The following KIAA0825 variants were observed in gnomAD, a reference collection of about 807,000 sequenced individuals.
KIAA0825 encodes KIAA0825.
In KIAA0825, 119 loss-of-function variants were observed where a neutral mutation model predicts 147.6. The ratio of observed to expected loss-of-function variants is 0.81; its 90% CI spans 0.69 to 0.94. The LOEUF is 0.94. Ranked by LOEUF, KIAA0825 falls within the 40% of genes least tolerant of loss-of-function variation. KIAA0825 has a pLI of 0.00. For synonymous variants in KIAA0825, 470 were observed against 518.1 expected, an observed-to-expected ratio of 0.91 and a Z score of 1.26; for missense variants, 1,381 against 1,472.7, an observed-to-expected ratio of 0.94 and a Z score of 1.02.
chr5:94,581,725 A>T (rs1782221463), intron 2 of KIAA0825, among the ~76,000 whole-genome samples: 1 of 152,188 alleles, frequency 6.6e-6, no homozygotes, highest in African/African-American at 2.4e-5. Context: ...GATACTCTAA[A>T]GCTTTGAAGA....
chr5:94,237,748 T>G (rs1401100325), intron 20 of KIAA0825, among the ~76,000 whole-genome samples: 1 of 152,196 alleles, frequency 6.6e-6, no homozygotes, highest in Non-Finnish European at 1.5e-5. Flanking sequence ...CAACAAGTAG[T>G]ATTATAATTG....
intron 2 of KIAA0825, among the ~76,000 whole-genome samples, chr5:94,546,983 C>T (rs1352609794): frequency 6.6e-6 from 1 of 151,562 alleles, no homozygotes; most frequent in African/African-American, 2.4e-5. Flanking sequence ...AGAAGGAATT[C>T]AGAATTTTAT....
At chr5:94,248,228 A>G (rs1025282517) in intron 20 of KIAA0825, among the ~76,000 whole-genome samples, 21 of 152,148 alleles carry the variant, frequency 1.4e-4, no homozygotes, top group African/African-American at 4.8e-4. Context: ...TACATTAAGA[A>G]GCAAACAACA....
chr5:94,575,379 G>T (rs574215666), intron 2 of KIAA0825, among the ~76,000 whole-genome samples: 103 of 151,706 alleles, frequency 6.8e-4, no homozygotes, highest in African/African-American at 2.3e-3. Flanking sequence ...AAAAAAGATA[G>T]ATCTGAAATG....
intron 12 of KIAA0825, among the ~76,000 whole-genome samples, chr5:94,454,131 T>C (rs941165961): frequency 3.9e-5 from 6 of 152,204 alleles, no homozygotes; most frequent in African/African-American, 1.4e-4. Context: ...AAAGGATTTG[T>C]TACATAAAAT....
At chr5:94,528,541 C>T (rs1311920860) in intron 3 of KIAA0825, among the ~76,000 whole-genome samples, 1 of 152,062 alleles carries the variant, frequency 6.6e-6, no homozygotes, top group Non-Finnish European at 1.5e-5. Context: ...CAGTGGGTGC[C>T]GGGTAGTACT....
At position 94,440,052 on chromosome 5, in the gene KIAA0825, G is replaced by T. The variant is rs749015521; in HGVS notation, c.2427C>A (p.Asn809Lys). ...GTAGGGTTTCCAGAAGCAAGTTCCAGTTACAACGTGGCTGGGATAAGAGCA... is the reference window on the plus strand; with the variant it reads ...GTAGGGTTTCCAGAAGCAAGTTCCATTTACAACGTGGCTGGGATAAGAGCA... The part of the protein sequence containing the change: ...LKLLLSQPRC[N>K]WNLLLETLLH... The change falls in exon 14 of 21, where the codon AAC becomes AAA. Residue 809 changes from asparagine (N) to lysine (K), a missense_variant. Coordinates refer to ENST00000682413, the MANE Select transcript of KIAA0825 (RefSeq NM_001145678.3). 1.7e-5 allele frequency: 27 copies of T among 1,551,572 alleles called. No homozygotes were observed. In the South Asian group the frequency reaches 3.2e-4, roughly 18 times the overall value.
intron 5 of KIAA0825, among the ~76,000 whole-genome samples, chr5:94,517,741 A>G (rs1167594615): frequency 1.3e-5 from 2 of 151,324 alleles, no homozygotes; most frequent in Non-Finnish European, 2.9e-5. Context: ...TTTATTTTAA[A>G]TTATTTAAAT....
At chr5:94,359,809 T>C (rs1409384626) in intron 20 of KIAA0825, among the ~76,000 whole-genome samples, 1 of 152,212 alleles carries the variant, frequency 6.6e-6, no homozygotes, top group African/African-American at 2.4e-5. Flanking sequence ...CAGAATGCAG[T>C]TCTTAAATAT....
intron 20 of KIAA0825, among the ~76,000 whole-genome samples, chr5:94,298,113 G>A (rs1007259203): frequency 3.3e-5 from 5 of 151,726 alleles, no homozygotes; most frequent in Non-Finnish European, 7.4e-5. Context: ...CAGGTGTGGT[G>A]GTGGGCACCT....
intron 3 of KIAA0825, among the ~76,000 whole-genome samples, chr5:94,527,239 T>C (rs1033082797): frequency 6.6e-6 from 1 of 152,056 alleles, no homozygotes; most frequent in African/African-American, 2.4e-5. Flanking sequence ...ACAGACTGCA[T>C]TAAATAACAA....
At chr5:94,529,506 C>A (rs1310577732) in intron 3 of KIAA0825, among the ~76,000 whole-genome samples, 1 of 150,378 alleles carries the variant, frequency 6.6e-6, no homozygotes, top group African/African-American at 2.4e-5. Flanking sequence ...AATCTGACCA[C>A]AGAATGTACA....
intron 20 of KIAA0825, among the ~76,000 whole-genome samples, chr5:94,232,098 A>G (rs1424397191): frequency 6.6e-6 from 1 of 152,108 alleles, no homozygotes; most frequent in Non-Finnish European, 1.5e-5. Context: ...GAAGAAAATG[A>G]GCTGGATTGC....
chr5:94,484,759 A>G lies in KIAA0825; in HGVS notation c.1132+10T>C. 4 of 1,441,166 alleles carry G rather than the reference A, an allele frequency of 2.8e-6. No homozygotes were observed. The highest frequency in any genetic ancestry group is 3.7e-6 in the Non-Finnish European group (4 of 1,078,658). 89.3% of individuals were successfully genotyped at this position (1,441,166 alleles called of 1,614,324 possible). A position where few individuals can be genotyped will look rare whatever the true frequency, so the allele number is the denominator to read the frequency against. On this transcript the variant is annotated intron_variant, in intron 6 of 20. Coordinates refer to ENST00000682413, the MANE Select transcript of KIAA0825 (RefSeq NM_001145678.3). ...ATAGATTTACAAATTTAAACAAAAG[A>G]GGATATTACCTGAAGTATCCCTGGT...
intron 5 of KIAA0825, among the ~76,000 whole-genome samples, chr5:94,513,311 T>C (rs2151175004): frequency 6.6e-6 from 1 of 152,316 alleles, no homozygotes; most frequent in Non-Finnish European, 1.5e-5. Context: ...TAAGATGGTA[T>C]ATAAATCTTA....
chr5:94,496,929 G>A (rs1217417721), intron 5 of KIAA0825, among the ~76,000 whole-genome samples: 1 of 152,150 alleles, frequency 6.6e-6, no homozygotes, highest in Non-Finnish European at 1.5e-5. Context: ...TCCCCTATAT[G>A]TGAGCCCCTG....
intron 2 of KIAA0825, among the ~76,000 whole-genome samples, chr5:94,565,026 C>T (rs866114533): frequency 7.8e-6 from 1 of 127,448 alleles, no homozygotes; most frequent in South Asian, 2.7e-4. Flanking sequence ...CTCTCTCTCT[C>T]TCTTTCTTTC....
chr5:94,545,414 C>T (rs955840435), intron 2 of KIAA0825, among the ~76,000 whole-genome samples: 2 of 152,116 alleles, frequency 1.3e-5, no homozygotes, highest in Non-Finnish European at 2.9e-5. Context: ...CCTCCCCCAA[C>T]CCCAGGCAGC....
chr5:94,592,528 G>A (rs763304490), intron 1 of KIAA0825, among the ~76,000 whole-genome samples: 3 of 152,156 alleles, frequency 2.0e-5, no homozygotes, highest in Non-Finnish European at 4.4e-5. Context: ...CAAGACAGTT[G>A]CATTCCATGT....
Sources: gnomAD v4.1 joint callset for allele counts (sites outside exome capture counted in the v4.1 genomes callset) on GRCh38, gnomAD v4.1.1 for gene constraint, MANE v1.5 for transcripts, NCBI Gene and HGNC (gene_info 2026-07-23, HGNC 2026-07-21) for gene names.